The following PARP15 variants were observed in gnomAD, a reference collection of about 807,000 sequenced individuals.
PARP15 encodes the protein poly(ADP-ribose) polymerase family member 15, also known as protein mono-ADP-ribosyltransferase PARP15.
PARP15 carries 50 observed loss-of-function variants against 62.1 expected under a neutral mutation model. The observed-to-expected ratio is 0.81, with a 90% CI of 0.64 to 1.02. The LOEUF is 1.02. Among genes scored for constraint, PARP15 ranks in the 50% least tolerant of loss-of-function variants. PARP15 has a pLI of 0.00. For missense variants in PARP15, 820 were observed against 826.5 expected (o/e 0.99, Z 0.10); for synonymous variants, 309 against 293.1 (o/e 1.05, Z -0.55).
At chr3:122,615,116 A>G in intron 4 of PARP15, 1 of 985,240 alleles carries the variant, frequency 1.0e-6, no homozygotes, top group Non-Finnish European at 1.2e-6. Flanking sequence ...ATACCTGAAA[A>G]GAAAGAAAAT....
chr3:122,625,839 A>G (rs1936688844), intron 8 of PARP15, among the ~76,000 whole-genome samples: 4 of 152,186 alleles, frequency 2.6e-5, no homozygotes, highest in Admixed American at 2.6e-4. Context: ...AGAGGGATCA[A>G]ATGACTTACC....
At chr3:122,579,223 G>C (rs550566840) in intron 1 of PARP15, among the ~76,000 whole-genome samples, 1 of 152,216 alleles carries the variant, frequency 6.6e-6, no homozygotes, top group East Asian at 1.9e-4. Flanking sequence ...AAGGTTTATA[G>C]TTATCTTCAC....
intron 2 of PARP15, among the ~76,000 whole-genome samples, chr3:122,609,287 T>C (rs1935395049): frequency 6.6e-6 from 1 of 152,222 alleles, no homozygotes; most frequent in Non-Finnish European, 1.5e-5. Flanking sequence ...ACTAACATTA[T>C]ATAAGTGGAT....
intron 1 of PARP15, among the ~76,000 whole-genome samples, chr3:122,586,560 T>C (rs1933446383): frequency 1.3e-5 from 2 of 152,238 alleles, no homozygotes; most frequent in Non-Finnish European, 2.9e-5. Flanking sequence ...ATTGCTATTG[T>C]GGTTCTTATA....
intron 9 of PARP15, among the ~76,000 whole-genome samples, chr3:122,631,492 A>G (rs545100841): frequency 2.0e-5 from 3 of 152,336 alleles, no homozygotes; most frequent in East Asian, 3.9e-4. Flanking sequence ...TAGTCCTGCT[A>G]TCTTAGCAAG....
intron 3 of PARP15, among the ~76,000 whole-genome samples, chr3:122,611,313 A>G (rs1389190517): frequency 1.3e-5 from 2 of 152,102 alleles, no homozygotes; most frequent in African/African-American, 4.8e-5. Flanking sequence ...TAATAATCCA[A>G]CCACCAAGAG....
At chr3:122,621,365 G>A (rs2107571255) in intron 7 of PARP15, 79 bp from the exon 8 acceptor site, 1 of 1,467,796 alleles carries the variant, frequency 6.8e-7, no homozygotes, top group Non-Finnish European at 9.2e-7. Context: ...GATGTCAGCT[G>A]TTTTCATTTC....
intron 10 of PARP15, among the ~76,000 whole-genome samples, chr3:122,632,456 C>A (rs1282503851): frequency 2.6e-5 from 4 of 152,172 alleles, no homozygotes; most frequent in Non-Finnish European, 5.9e-5. Flanking sequence ...CACAAACCAA[C>A]CCACTCAAAC....
chr3:122,614,321 A>T (rs979634646), intron 4 of PARP15, among the ~76,000 whole-genome samples: 16 of 152,178 alleles, frequency 1.1e-4, no homozygotes, highest in Admixed American at 9.8e-4. Context: ...CAACTTACTA[A>T]CATCACCACT....
chr3:122,610,965 T>C (rs909327594), intron 3 of PARP15, among the ~76,000 whole-genome samples: 5 of 152,336 alleles, frequency 3.3e-5, no homozygotes, highest in Middle Eastern at 3.4e-3. Context: ...AACCCTCGTA[T>C]TGATTGAACC....
chr3:122,600,775 C>T (rs933109923), intron 1 of PARP15, among the ~76,000 whole-genome samples: 2 of 150,234 alleles, frequency 1.3e-5, no homozygotes, highest in African/African-American at 5.0e-5. Context: ...TAGTATTGCC[C>T]CCAAATTCAT....
intron 2 of PARP15, 139 bp downstream of exon 2, chr3:122,606,194 C>G: frequency 9.0e-7 from 1 of 1,110,806 alleles, no homozygotes. Flanking sequence ...AGAAGTTAAA[C>G]CCACTTAAAG....
chr3:122,584,809 C>A (rs994171288), intron 1 of PARP15, among the ~76,000 whole-genome samples: 5 of 152,046 alleles, frequency 3.3e-5, no homozygotes, highest in African/African-American at 1.2e-4. Flanking sequence ...AACTCCTGAC[C>A]TCAGGTGATC....
At chr3:122,601,893 A>G (rs1934823706) in intron 1 of PARP15, among the ~76,000 whole-genome samples, 1 of 152,180 alleles carries the variant, frequency 6.6e-6, no homozygotes, top group Non-Finnish European at 1.5e-5. Context: ...CCCACCAGCA[A>G]TGAATGAGTG....
Position 122,613,165 on chromosome 3 carries a change from T to C in PARP15, c.668T>C (p.Ile223Thr). 2 of 1,551,778 alleles carry C rather than the reference T, an allele frequency of 1.3e-6. No homozygotes were observed. Among genetic ancestry groups the C allele is most frequent in the Non-Finnish European group, 1.7e-6 (2 of 1,146,972 alleles). ...QFPKAVFAKL[I>T]LSEVFEYSSS... ...CCCAAAGCTGTTTTTGCTAAACTAA[T>C]CCTTTCAGAAGTGTTCGAATACAGT... Residue 223 changes from isoleucine (I) to threonine (T), a missense_variant, in exon 4 of 12, where the codon ATC becomes ACC. By Grantham distance (89) the Ile-to-Thr change is moderately conservative. This residue lies in a region of PARP15 where 731 missense variants were observed against 727.7 expected (regional missense o/e 1.00). Coordinates refer to ENST00000464300, the MANE Select transcript of PARP15 (RefSeq NM_001113523.3).
intron 4 of PARP15, chr3:122,615,338 A>G (rs1576523871): frequency 2.3e-6 from 3 of 1,291,806 alleles, no homozygotes; most frequent in Non-Finnish European, 3.0e-6. Flanking sequence ...TTTGTTGTTA[A>G]TCAACCCCAG....
At chr3:122,595,376 A>G (rs890509321) in intron 1 of PARP15, among the ~76,000 whole-genome samples, 5 of 151,632 alleles carry the variant, frequency 3.3e-5, no homozygotes, top group African/African-American at 1.2e-4. Context: ...GTTCTTGTCA[A>G]AGTCACAAAT....
chr3:122,625,605 C>T (rs1373595346), intron 8 of PARP15, among the ~76,000 whole-genome samples: 1 of 152,020 alleles, frequency 6.6e-6, no homozygotes, highest in Non-Finnish European at 1.5e-5. Flanking sequence ...AAGGTGGGCC[C>T]CAAACTAATA....
intron 7 of PARP15, 193 bp from the exon 8 acceptor site, chr3:122,621,251 A>G (rs1323922050): frequency 6.9e-6 from 4 of 575,978 alleles, no homozygotes; most frequent in African/African-American, 3.8e-5. Flanking sequence ...TCAACAGTGT[A>G]TTTGTTGAGC....
Sources: allele counts gnomAD v4.1 joint callset (sites outside exome capture counted in the v4.1 genomes callset), GRCh38; gene constraint gnomAD v4.1.1; regional missense constraint gnomAD v4.1.1; transcripts MANE v1.5; gene names NCBI Gene and HGNC (gene_info 2026-07-23, HGNC 2026-07-21).